Variants in ANKRD65 observed in about 807,000 individuals in gnomAD.
ANKRD65 encodes the protein ankyrin repeat domain 65, also known as ankyrin repeat domain-containing protein 65.
In ANKRD65, 26 loss-of-function variants were observed where a neutral mutation model predicts 17.2. The ratio of observed to expected loss-of-function variants is 1.51; its 90% CI spans 1.11 to 2.09. The LOEUF (loss-of-function observed/expected upper bound fraction) is 2.09. Among genes scored for constraint, ANKRD65 ranks in the 30% most tolerant of loss-of-function variants. The probability of loss-of-function intolerance (pLI) is 0.00; values close to 1 mark genes in which losing one functional copy is unlikely to be tolerated. For missense variants in ANKRD65, 621 were observed against 542.2 expected, an observed-to-expected ratio of 1.15 and a Z score of -1.44; for synonymous variants, 311 against 272.2, an observed-to-expected ratio of 1.14 and a Z score of -1.40.
intron 1 of ANKRD65, 29 bp from the exon 2 acceptor site, chr1:1,421,034 C>T: frequency 6.5e-7 from 1 of 1,548,204 alleles, no homozygotes. Context: ...CCTACATCCA[C>T]TGTGGAGGCC....
Position 1,420,190 on chromosome 1 carries a change from G to C in ANKRD65, c.612C>G (p.Asp204Glu), listed in dbSNP as rs1332228421. ...CAGCGGCAGCCACGAGCAGGGCGCC[G>C]TCCAGGCCCGCGCCGCCGGCCGCCA... The part of the protein sequence containing the change: ...ELLAAGGAGL[D>E]GALLVAAAAG... Residue 204 changes from aspartate to glutamate, a missense_variant, in exon 3 of 4, where the codon GAC (aspartate) becomes GAG (glutamate). Asp to Glu is a conservative substitution (Grantham distance 45). Coordinates refer to ENST00000537107, the MANE Select transcript of ANKRD65 (RefSeq NM_001145210.3). The C allele has an allele frequency of 6.9e-6, 7 of 1,014,664 alleles. No homozygotes were observed. The highest frequency in any genetic ancestry group is 8.2e-6 in the Non-Finnish European group (7 of 851,364). The allele number at this position is 1,014,664 out of a possible 1,614,324, so 62.9% of individuals were successfully genotyped here.
chr1:1,420,687 C>T (rs1645539519), intron 2 of ANKRD65, 95 bp from the exon 3 acceptor site: 1 of 1,261,632 alleles, frequency 7.9e-7, no homozygotes. Context: ...AGCGCTGGGA[C>T]CCCCGTCCTA....
At chr1:1,419,966 T>G (rs1645515818) in intron 3 of ANKRD65, 86 bp downstream of exon 3, 3 of 1,178,220 alleles carry the variant, frequency 2.5e-6, no homozygotes, top group Non-Finnish European at 3.2e-6. Flanking sequence ...TCCCCCAGCC[T>G]GGCTCCAGCT....
Position 1,421,227 on chromosome 1 carries a change from A to C in ANKRD65, c.-95T>G. The C allele has an allele frequency of 1.8e-6, 1 of 565,652 alleles. No individual in the cohort carries two copies. The highest frequency in any genetic ancestry group is 3.2e-6 in the Non-Finnish European group (1 of 317,236). The allele number at this position is 565,652 out of a possible 1,614,324, so 35.0% of individuals were successfully genotyped here. A position where few individuals can be genotyped will look rare whatever the true frequency, so the allele number is the denominator to read the frequency against. On this transcript the variant is annotated 5_prime_UTR_variant, in exon 1 of 4. Coordinates refer to ENST00000537107, the MANE Select transcript of ANKRD65 (RefSeq NM_001145210.3). Reference sequence around the variant, plus strand: ...TCAGCCTGGTGACCCTCTTCACAAAATCCCTTCTGCAGGCTTTGGGGTGGA... The same window carrying C: ...TCAGCCTGGTGACCCTCTTCACAAACTCCCTTCTGCAGGCTTTGGGGTGGA...
In ANKRD65 at chr1:1,419,155, A is replaced by G; in HGVS notation, c.1145T>C (p.Leu382Pro). The change falls in exon 4 of 4, where the codon CTG becomes CCG. Residue 382 changes from leucine (L) to proline (P), a missense_variant. Physicochemically the swap from Leu to Pro is moderately conservative, Grantham distance 98. Transcript: ENST00000537107. ...CTTCTCCCCCCCTCCAAGTTCAGGC[A>G]GCGCCTGGGGCAGGTCCCCCTCAGG... ...QMPEGDLPQA[L>P]PELGGGEKEC... The G allele has an allele frequency of 6.5e-7, 1 of 1,539,566 alleles. No individual in the cohort carries two copies. Among genetic ancestry groups the G allele is most frequent in the Non-Finnish European group, 8.8e-7 (1 of 1,138,548 alleles).
chr1:1,419,565 A>G lies in ANKRD65; in HGVS notation c.751-16T>C. Reference sequence around the variant, plus strand: ...CCTCAATGTCCTAGAAGAGGAGAGAAAAGCAGGGGCCGGCCTCAGCCCGGT... The same window carrying G: ...CCTCAATGTCCTAGAAGAGGAGAGAGAAGCAGGGGCCGGCCTCAGCCCGGT... On this transcript the variant is annotated splice_polypyrimidine_tract_variant and intron_variant, in intron 3 of 3. Coordinates refer to ENST00000537107, the MANE Select transcript of ANKRD65 (RefSeq NM_001145210.3). 1 of 1,509,198 alleles carries G rather than the reference A, an allele frequency of 6.6e-7. No homozygotes were observed. The highest frequency in any genetic ancestry group is 8.9e-7 in the Non-Finnish European group (1 of 1,128,872). 93.5% of individuals were successfully genotyped at this position (1,509,198 alleles called of 1,614,324 possible).
chr1:1,419,493 G>T lies in ANKRD65; in HGVS notation c.807C>A (p.Gly269=). The T allele has an allele frequency of 6.5e-7, 1 of 1,545,244 alleles. No homozygotes were observed. Among genetic ancestry groups the T allele is most frequent in the Non-Finnish European group, 8.7e-7 (1 of 1,146,488 alleles). The change falls in exon 4 of 4, where the codon GGC becomes GGA. Residue 269 remains glycine (G), a synonymous_variant. Coordinates refer to ENST00000537107, the MANE Select transcript of ANKRD65 (RefSeq NM_001145210.3). The stretch of plus-strand genomic sequence containing the variant: ...CGGCAGCCCTGTGCAGCGCAGAGCG[G>T]CCATGCCTGTCCCTGATGCCTGGGT... ...GADPGIRDRH[G]RSALHRAAAR...
At position 1,419,296 on chromosome 1, in the gene ANKRD65, C is replaced by T. The variant is rs1210039201; in HGVS notation, c.1004G>A (p.Arg335Gln). ...TGCAGCCAGGTGTAGGGGGGTCTTT[C>T]GGAGCCAGCCGGTAGCATCCACCTG... ...GAQVDATGWL[R>Q]KTPLHLAAER... The change falls in exon 4 of 4, where the codon CGA becomes CAA. Residue 335 changes from arginine to glutamine, a missense_variant. Arg to Gln is a conservative substitution (Grantham distance 43, BLOSUM62 1). Coordinates refer to ENST00000537107, the MANE Select transcript of ANKRD65 (RefSeq NM_001145210.3). 9.0e-6 allele frequency: 14 copies of T among 1,550,230 alleles called. No homozygotes were observed. Among genetic ancestry groups the T allele is most frequent in the East Asian group, 4.9e-5 (2 of 40,924 alleles).
At position 1,418,630 on chromosome 1, in the gene ANKRD65, A is replaced by T. The variant is rs1331764363; in HGVS notation, c.*470T>A. 1 of 153,774 alleles carries T rather than the reference A, an allele frequency of 6.5e-6. No homozygotes were observed. The highest frequency in any genetic ancestry group is 1.4e-5 in the Non-Finnish European group (1 of 69,250). The allele number at this position is 153,774 out of a possible 1,614,324, so 9.5% of individuals were successfully genotyped here. On this transcript the variant is annotated 3_prime_UTR_variant, in exon 4 of 4. Coordinates refer to ENST00000537107, the MANE Select transcript of ANKRD65 (RefSeq NM_001145210.3). ...CAGAGAGAAACAGAACACGGCAGGG[A>T]GTTTCACAAATGTTCTTCTATACAA...
Position 1,420,536 on chromosome 1 carries a change from A to G in ANKRD65, c.266T>C (p.Leu89Pro), listed in dbSNP as rs1645534489. 1.5e-6 allele frequency: 2 copies of G among 1,312,658 alleles called. No individual in the cohort carries two copies. Among genetic ancestry groups the G allele is most frequent in the African/African-American group, 1.5e-5 (1 of 65,032 alleles). 81.3% of individuals were successfully genotyped at this position (1,312,658 alleles called of 1,614,324 possible). A position where few individuals can be genotyped will look rare whatever the true frequency, so the allele number is the denominator to read the frequency against. Residue 89 changes from leucine to proline, a missense_variant, in exon 3 of 4, where the codon CTG (leucine) becomes CCG (proline). By Grantham distance (98) the Leu-to-Pro change is moderately conservative. Coordinates refer to ENST00000537107, the MANE Select transcript of ANKRD65 (RefSeq NM_001145210.3). ...CCCTCGCTGCAGCAGGAGACGCACC[A>G]GGGGCGCGTGGCCCCGCAGCACGGC... ...HLAVLRGHAP[L>P]VRLLLQRGAP...
At chr1:1,420,643 C>A in intron 2 of ANKRD65, 51 bp from the exon 3 acceptor site, 1 of 1,407,280 alleles carries the variant, frequency 7.1e-7, no homozygotes, top group Admixed American at 2.9e-5. Context: ...TGACCAGAAC[C>A]CCGCCCTGCC....
chr1:1,419,607 C>T, intron 3 of ANKRD65, 58 bp from the exon 4 acceptor site: 1 of 1,441,946 alleles, frequency 6.9e-7, no homozygotes, highest in Non-Finnish European at 9.2e-7. Context: ...GGGGCAGAGC[C>T]ACCAGGCGTT....
Position 1,419,446 on chromosome 1 carries a change from ACGGCAAGCAGGTGTCCTCGGG to A in ANKRD65, c.833_853del (p.Ala278_Ala284del). 1 of 1,549,254 alleles carries A rather than the reference ACGGCAAGCAGGTGTCCTCGGG, an allele frequency of 6.5e-7. No homozygotes were observed. Among genetic ancestry groups the A allele is most frequent in the Non-Finnish European group, 8.7e-7 (1 of 1,146,840 alleles). The stretch of plus-strand genomic sequence containing the variant: ...GGCCCCCTGGGTGACCAGCAACTGG[ACGGCAAGCAGGTGTCCTCGGG>A]CGGCAGCCCTGTGCAGCGCAGAGCG... On this transcript the variant is annotated inframe_deletion, in exon 4 of 4. Coordinates refer to ENST00000537107, the MANE Select transcript of ANKRD65 (RefSeq NM_001145210.3).
chr1:1,420,440 CG>C lies in ANKRD65; in HGVS notation c.361del (p.Arg121GlyfsTer126). ...LHEAAWHGHS[R>X]VAELLLQRGA... is the part of the protein sequence containing the mutation. ...GCGCTGCAGCAGCAGCTCGGCCACC[CG>C]CGAGTGTCCGTGCCAGGCGGCCTCG... On this transcript the variant is annotated frameshift_variant, in exon 3 of 4. Transcript: ENST00000537107. LOFTEE classifies it high-confidence loss of function. 7.5e-7 allele frequency: 1 copy of C among 1,329,282 alleles called. No individual in the cohort carries two copies. Among genetic ancestry groups the C allele is most frequent in the African/African-American group, 1.6e-5 (1 of 64,396 alleles). 82.3% of individuals were successfully genotyped at this position (1,329,282 alleles called of 1,614,324 possible).
At chr1:1,419,818 G>T (rs940345754) in intron 3 of ANKRD65, among the ~76,000 whole-genome samples, 2 of 152,184 alleles carry the variant, frequency 1.3e-5, no homozygotes, top group South Asian at 2.1e-4. Flanking sequence ...CAGGCCCGGC[G>T]CTGGCGGAGA....
chr1:1,419,704 G>C (rs998815862), intron 3 of ANKRD65, among the ~76,000 whole-genome samples, 155 bp from the exon 4 acceptor site: 1 of 152,172 alleles, frequency 6.6e-6, no homozygotes, highest in African/African-American at 2.4e-5. Context: ...CCCAAGGCTG[G>C]CCTGCTTGGA....
Position 1,419,245 on chromosome 1 carries a change from C to T in ANKRD65, c.1055G>A (p.Gly352Glu), listed in dbSNP as rs1379156011. The change falls in exon 4 of 4, where the codon GGG becomes GAG. Residue 352 changes from glycine to glutamate, a missense_variant. Physicochemically the swap from Gly to Glu is moderately conservative, Grantham distance 98. Coordinates refer to ENST00000537107, the MANE Select transcript of ANKRD65 (RefSeq NM_001145210.3). The stretch of plus-strand genomic sequence containing the variant: ...GCTGGCCCCTCGGCTCAGCAGAAGC[C>T]CCACGGTAGGCCCATGCCCTCGCTC... The part of the protein sequence containing the change: ...AAERGHGPTV[G>E]LLLSRGASPT... 3.2e-6 allele frequency: 5 copies of T among 1,550,378 alleles called. No homozygotes were observed. In the Admixed American group the frequency reaches 7.8e-5, roughly 24 times the overall value.
Position 1,418,892 on chromosome 1 carries a change from G to A in ANKRD65, c.*208C>T, listed in dbSNP as rs760979970. 5.6e-6 allele frequency: 3 copies of A among 532,290 alleles called. No homozygotes were observed. The highest frequency in any genetic ancestry group is 3.8e-5 in the African/African-American group (2 of 52,910). 33.0% of individuals were successfully genotyped at this position (532,290 alleles called of 1,614,324 possible). A position where few individuals can be genotyped will look rare whatever the true frequency, so the allele number is the denominator to read the frequency against. On this transcript the variant is annotated 3_prime_UTR_variant, in exon 4 of 4. Coordinates refer to ENST00000537107, the MANE Select transcript of ANKRD65 (RefSeq NM_001145210.3). ...TCTTTGTTGAAGTATGGAGAAGGCT[G>A]GAGCTGCAGGGTCAGTGGGCCCTCC...
At position 1,420,090 on chromosome 1, in the gene ANKRD65, TG is replaced by T. The variant is rs1472231956; in HGVS notation, c.711del (p.Thr238GlnfsTer9). 2.3e-6 allele frequency: 3 copies of T among 1,278,618 alleles called. No individual in the cohort carries two copies. The highest frequency in any genetic ancestry group is 3.0e-6 in the Non-Finnish European group (3 of 1,013,054). 79.2% of individuals were successfully genotyped at this position (1,278,618 alleles called of 1,614,324 possible). ...AGGGCGGCCGCCAGACCCAGCGCTG[TG>T]GCCCCCGCGCCATCCCGGGCGTCCA... ...ARVDARDGAGATALGLAAALG... is the reference protein window; with the variant it reads ...ARVDARDGAGXTALGLAAALG... On this transcript the variant is annotated frameshift_variant, in exon 3 of 4. Coordinates refer to ENST00000537107, the MANE Select transcript of ANKRD65 (RefSeq NM_001145210.3). LOFTEE classifies it low-confidence loss of function (END_TRUNC).
Sources: gnomAD v4.1 joint callset for allele counts (sites outside exome capture counted in the v4.1 genomes callset) on GRCh38, gnomAD v4.1.1 for gene constraint, MANE v1.5 for transcripts, NCBI Gene and HGNC (gene_info 2026-07-23, HGNC 2026-07-21) for gene names.